The following SEMA5A variants were observed in gnomAD, a reference collection of about 807,000 sequenced individuals.
SEMA5A encodes semaphorin 5A.
Under a neutral mutation model 135.5 loss-of-function variants are expected in SEMA5A, and 55 were observed. The ratio of observed to expected loss-of-function variants is 0.41; its 90% CI spans 0.33 to 0.51. SEMA5A has a LOEUF of 0.51. SEMA5A is among the 20% of genes least tolerant of loss of function. The pLI, the probability that SEMA5A is intolerant of heterozygous loss-of-function variation, is 0.37. For missense variants in SEMA5A, 1,290 were observed against 1,419.9 expected (o/e 0.91, Z 1.47); for synonymous variants, 580 against 546.5 (o/e 1.06, Z -0.85).
chr5:9,399,642 TA>T (rs992377596), intron 2 of SEMA5A, among the ~76,000 whole-genome samples: 20 of 152,278 alleles, frequency 1.3e-4, no homozygotes, highest in Admixed American at 1.3e-3. Context: ...AAGCTGTTAT[TA>T]AAAAATAATT....
chr5:9,438,556 G>C (rs1758116810), intron 1 of SEMA5A, among the ~76,000 whole-genome samples: 1 of 152,136 alleles, frequency 6.6e-6, no homozygotes, highest in Non-Finnish European at 1.5e-5. Flanking sequence ...TGAAAATATA[G>C]GTGACTTTCC....
At chr5:9,198,497 G>T (rs2150362107) in intron 9 of SEMA5A, among the ~76,000 whole-genome samples, 1 of 152,282 alleles carries the variant, frequency 6.6e-6, no homozygotes, top group Middle Eastern at 3.4e-3. Flanking sequence ...ATATCTGTGG[G>T]TGAAGTAGAC....
intron 6 of SEMA5A, among the ~76,000 whole-genome samples, chr5:9,237,023 G>T (rs1013926921): frequency 2.6e-5 from 4 of 152,106 alleles, no homozygotes; most frequent in African/African-American, 9.7e-5. Flanking sequence ...TTGGTCCTAG[G>T]ACCAACTTTG....
At chr5:9,153,754 A>G (rs966490136) in intron 12 of SEMA5A, among the ~76,000 whole-genome samples, 9 of 152,086 alleles carry the variant, frequency 5.9e-5, no homozygotes, top group African/African-American at 1.9e-4. Flanking sequence ...CAAATAAAAT[A>G]CAAGCTTGAG....
At chr5:9,516,441 C>T (rs924075261) in intron 1 of SEMA5A, 1 of 151,818 alleles carries the variant, frequency 6.6e-6, no homozygotes, top group African/African-American at 2.4e-5. Flanking sequence ...ACCATTTCTA[C>T]ACTCTCTCAC....
At chr5:9,432,970 A>C (rs6896768) in intron 2 of SEMA5A, among the ~76,000 whole-genome samples, 12,251 of 152,290 alleles carry the variant, frequency 0.08, 615 homozygotes, top group Middle Eastern at 0.11. Flanking sequence ...TTAAAATAGA[A>C]AGTTCCCTTC....
At chr5:9,536,185 A>G (rs1016383024) in intron 1 of SEMA5A, among the ~76,000 whole-genome samples, 3 of 152,224 alleles carry the variant, frequency 2.0e-5, no homozygotes, top group African/African-American at 7.2e-5. Flanking sequence ...AACAAAGAGC[A>G]TAATAATTAA....
rs1579309902 is a variant in SEMA5A at position 9,053,958 on chromosome 5, C to A, written c.2689+129G>T. ...TTTAAAGTCACTTCAAGGGTAATAG[C>A]ATGTTGCTAACTTGCCCACCCCCCT... On this transcript the variant is annotated intron_variant, in intron 19 of 22. Transcript: ENST00000382496. The A allele has an allele frequency of 5.2e-6, 5 of 966,512 alleles. No individual in the cohort carries two copies. In the East Asian group the frequency reaches 7.6e-5, roughly 15 times the overall value. 59.9% of individuals were successfully genotyped at this position (966,512 alleles called of 1,614,324 possible). A position where few individuals can be genotyped will look rare whatever the true frequency, so the allele number is the denominator to read the frequency against.
At chr5:9,068,593 T>C (rs556296322) in intron 16 of SEMA5A, among the ~76,000 whole-genome samples, 2 of 152,350 alleles carry the variant, frequency 1.3e-5, no homozygotes, top group South Asian at 4.1e-4. Flanking sequence ...TCCTATCATC[T>C]GCTGGACAGA....
chr5:9,056,526 A>T (rs911102472), intron 18 of SEMA5A, among the ~76,000 whole-genome samples: 8 of 152,200 alleles, frequency 5.3e-5, no homozygotes, highest in Non-Finnish European at 1.2e-4. Flanking sequence ...GTTCGAGACC[A>T]GCCTGGCCAA....
intron 1 of SEMA5A, among the ~76,000 whole-genome samples, chr5:9,533,900 C>T (rs1737596853): frequency 6.6e-6 from 1 of 152,188 alleles, no homozygotes; most frequent in Non-Finnish European, 1.5e-5. Context: ...ACATAAACTG[C>T]AACATATTTG....
Position 9,062,913 on chromosome 5 carries a change from T to C in SEMA5A, c.2492A>G (p.Gln831Arg). 3 of 1,614,260 alleles carry C rather than the reference T, an allele frequency of 1.9e-6. No individual in the cohort carries two copies. Among genetic ancestry groups the C allele is most frequent in the Non-Finnish European group, 1.7e-6 (2 of 1,180,048 alleles). ...TGGGCAGGGCAAAATGTTGCATTCC[T>C]GGTATTCCAGAGATGGGCCAAGGCA... ...MPCLGPSLEY[Q>R]ECNILPCPVD... is the part of the protein sequence containing the mutation. The change falls in exon 18 of 23, where the codon CAG (glutamine) becomes CGG (arginine). Residue 831 changes from glutamine (Q) to arginine (R), a missense_variant. By Grantham distance (43) the Gln-to-Arg change is conservative. Coordinates refer to ENST00000382496, the MANE Select transcript of SEMA5A (RefSeq NM_003966.3).
chr5:9,165,465 G>A (rs10079114), intron 11 of SEMA5A, among the ~76,000 whole-genome samples: 2,655 of 152,250 alleles, frequency 0.017, 82 homozygotes, highest in African/African-American at 0.061. Context: ...AGCCTTCAGT[G>A]TGCTGAATCC....
In SEMA5A at chr5:9,246,254, C is replaced by A. The variant is rs141731995; in HGVS notation, c.271-8364G>T. Among the ~76,000 whole-genome samples, 647 of 152,160 alleles carry A rather than the reference C, an allele frequency of 4.3e-3. 8 individuals carry two copies. The highest frequency in any genetic ancestry group is 0.015 in the African/African-American group (606 of 41,514). On this transcript the variant is annotated intron_variant, in intron 5 of 22. Transcript: ENST00000382496. ...AAAAATCAAATCACTGGAGGGATGG[C>A]TATTTTTATACATGAATTTCCTAAA...
intron 21 of SEMA5A, 86 bp from the exon 22 acceptor site, chr5:9,044,670 C>G (rs770202192): frequency 5.2e-6 from 6 of 1,162,506 alleles, no homozygotes; most frequent in East Asian, 2.4e-5. Context: ...AAGAGAAAGT[C>G]AAAATGAAAA....
chr5:9,306,172 G>A (rs1185408629), intron 5 of SEMA5A, among the ~76,000 whole-genome samples: 4 of 152,194 alleles, frequency 2.6e-5, no homozygotes, highest in Middle Eastern at 3.2e-3. Flanking sequence ...TAGTCTGTGA[G>A]TTGATACCTT....
intron 5 of SEMA5A, among the ~76,000 whole-genome samples, chr5:9,291,068 GA>G (rs1487519496): frequency 1.3e-5 from 2 of 152,114 alleles, no homozygotes; most frequent in Non-Finnish European, 2.9e-5. Context: ...AAACATTCTA[GA>G]AACAGAATTT....
intron 5 of SEMA5A, among the ~76,000 whole-genome samples, chr5:9,249,831 G>T (rs1414048890): frequency 6.6e-6 from 1 of 152,110 alleles, no homozygotes; most frequent in Non-Finnish European, 1.5e-5. Context: ...AGATGTTCAA[G>T]AAAAGCAAAT....
At chr5:9,487,659 A>G (rs1394912109) in intron 1 of SEMA5A, among the ~76,000 whole-genome samples, 1 of 152,194 alleles carries the variant, frequency 6.6e-6, no homozygotes, top group South Asian at 2.1e-4. Context: ...ACACAGAAAT[A>G]GAACATACAA....
Sources: allele counts gnomAD v4.1 joint callset (sites outside exome capture counted in the v4.1 genomes callset), GRCh38; gene constraint gnomAD v4.1.1; transcripts MANE v1.5; gene names NCBI Gene and HGNC (gene_info 2026-07-23, HGNC 2026-07-21).